Variants in AOAH observed in about 807,000 individuals in gnomAD.
AOAH encodes the protein acyloxyacyl hydrolase (neutrophil).
A neutral mutation model predicts 92.2 loss-of-function variants in AOAH; 64 were observed. The observed-to-expected ratio is 0.69, with a 90% confidence interval of 0.57 to 0.86. AOAH has a LOEUF of 0.86. Among genes scored for constraint, AOAH ranks in the 40% least tolerant of loss-of-function variants. The pLI is 0.00. For synonymous variants in AOAH, 263 were observed against 254.5 expected (o/e 1.03, Z -0.32); for missense variants, 656 against 694.6 (o/e 0.94, Z 0.62).
chr7:36,582,817 T>C (rs1789027923), intron 12 of AOAH, among the ~76,000 whole-genome samples: 1 of 151,724 alleles, frequency 6.6e-6, no homozygotes, highest in South Asian at 2.1e-4. Flanking sequence ...AAGAGTGATG[T>C]AGCATATTCT....
At chr7:36,668,464 C>G (rs1423036774) in intron 3 of AOAH, among the ~76,000 whole-genome samples, 1 of 152,170 alleles carries the variant, frequency 6.6e-6, no homozygotes, top group African/African-American at 2.4e-5. Flanking sequence ...CAGCTGCTTG[C>G]CCAATAATCT....
At chr7:36,622,717 C>G (rs1482101360) in intron 7 of AOAH, among the ~76,000 whole-genome samples, 1 of 152,214 alleles carries the variant, frequency 6.6e-6, no homozygotes, top group East Asian at 1.9e-4. Flanking sequence ...ACTTCAATGC[C>G]TTGTGTATCA....
At chr7:36,521,043 AGCACTG>A (rs1784081906) in intron 20 of AOAH, among the ~76,000 whole-genome samples, 1 of 151,972 alleles carries the variant, frequency 6.6e-6, no homozygotes, top group African/African-American at 2.4e-5. Context: ...CCTGCCTGTG[AGCACTG>A]GCTGAGCCTA....
intron 3 of AOAH, among the ~76,000 whole-genome samples, chr7:36,671,649 T>TTGTGTGTG (rs34363257): frequency 2.0e-3 from 294 of 149,388 alleles, no homozygotes; most frequent in African/African-American, 7.0e-3. Flanking sequence ...GTGCACGTGT[T>TTGTGTGTG]TGTGTGTGTG....
intron 1 of AOAH, among the ~76,000 whole-genome samples, chr7:36,698,533 A>T (rs1323888162): frequency 1.3e-5 from 2 of 151,442 alleles, no homozygotes; most frequent in Non-Finnish European, 2.9e-5. Flanking sequence ...TTAATTTTAG[A>T]TTTTTCTTTT....
At chr7:36,603,217 A>G (rs1372380329) in intron 11 of AOAH, among the ~76,000 whole-genome samples, 1 of 151,952 alleles carries the variant, frequency 6.6e-6, no homozygotes, top group East Asian at 1.9e-4. Flanking sequence ...TAGCTATTCA[A>G]TGTCATCCTC....
chr7:36,660,404 C>T (rs1215348064), intron 3 of AOAH, among the ~76,000 whole-genome samples: 1 of 152,170 alleles, frequency 6.6e-6, no homozygotes, highest in Non-Finnish European at 1.5e-5. Flanking sequence ...CAACCTCCGC[C>T]CCCTGGGTTC....
chr7:36,534,531 G>A (rs1784890924), intron 16 of AOAH, among the ~76,000 whole-genome samples: 1 of 152,246 alleles, frequency 6.6e-6, no homozygotes. Context: ...GATTGGCTAG[G>A]GGTGCTTGCG....
chr7:36,672,997 G>A (rs775099510), intron 3 of AOAH, among the ~76,000 whole-genome samples: 6 of 151,928 alleles, frequency 3.9e-5, no homozygotes, highest in Non-Finnish European at 7.4e-5. Flanking sequence ...GGATGAACAC[G>A]GAATTTAGGA....
At chr7:36,625,374 C>T (rs1792581007) in intron 6 of AOAH, among the ~76,000 whole-genome samples, 5 of 152,314 alleles carry the variant, frequency 3.3e-5, no homozygotes, top group Admixed American at 3.3e-4. Flanking sequence ...ATTTAACCTC[C>T]CTGAGCCTCA....
chr7:36,661,741 T>C lies in AOAH; in HGVS notation c.291-2476A>G, dbSNP rs377438152. Among the ~76,000 whole-genome samples the C allele has an allele frequency of 2.8e-4, 42 of 152,276 alleles. 2 individuals are homozygous for C. Among genetic ancestry groups the C allele is most frequent in the East Asian group, 1.4e-3 (7 of 5,176 alleles). ...ACTCCTGGGTTAGAATTGGAGTGCA[T>C]GGCCCCTTTTAATCCCTGGCCTGAA... On this transcript the variant is annotated intron_variant, in intron 3 of 20. Coordinates refer to ENST00000617537, the MANE Select transcript of AOAH (RefSeq NM_001637.4).
intron 12 of AOAH, among the ~76,000 whole-genome samples, chr7:36,589,027 T>C (rs1223455077): frequency 2.0e-5 from 3 of 150,148 alleles, no homozygotes; most frequent in African/African-American, 7.5e-5. Context: ...CATTGCTTTT[T>C]ATGATGAATT....
At chr7:36,584,576 T>C (rs565848240) in intron 12 of AOAH, among the ~76,000 whole-genome samples, 16 of 152,350 alleles carry the variant, frequency 1.1e-4, no homozygotes, top group African/African-American at 3.1e-4. Flanking sequence ...TTTCTCCTAT[T>C]TGTTGATTAC....
chr7:36,652,233 C>G (rs896233562), intron 4 of AOAH, among the ~76,000 whole-genome samples: 1 of 151,446 alleles, frequency 6.6e-6, no homozygotes, highest in Admixed American at 6.6e-5. Flanking sequence ...CAAAAGGACA[C>G]AGGAGCCACC....
At chr7:36,518,643 T>G (rs1418890808) in intron 20 of AOAH, among the ~76,000 whole-genome samples, 2 of 152,250 alleles carry the variant, frequency 1.3e-5, no homozygotes, top group Non-Finnish European at 2.9e-5. Context: ...TTAAGTGGGA[T>G]CTTCTGGTTA....
chr7:36,556,609 G>A, intron 13 of AOAH, among the ~76,000 whole-genome samples: 2 of 140,946 alleles, frequency 1.4e-5, no homozygotes, highest in African/African-American at 2.7e-5. Context: ...TTATTATTGT[G>A]TGGGAGTCTA....
intron 13 of AOAH, among the ~76,000 whole-genome samples, chr7:36,551,272 C>T (rs1362082314): frequency 6.6e-6 from 1 of 152,000 alleles, no homozygotes; most frequent in Non-Finnish European, 1.5e-5. Context: ...TGGGGTTTCA[C>T]CATGTTGGTC....
intron 5 of AOAH, among the ~76,000 whole-genome samples, chr7:36,632,770 AC>A (rs1793220950): frequency 6.6e-6 from 1 of 152,334 alleles, no homozygotes; most frequent in East Asian, 1.9e-4. Context: ...AGGGAGAGAG[AC>A]ACTGGATTCC....
At chr7:36,568,434 G>A (rs1308581358) in intron 13 of AOAH, among the ~76,000 whole-genome samples, 1 of 152,178 alleles carries the variant, frequency 6.6e-6, no homozygotes, top group East Asian at 1.9e-4. Context: ...TCAACAGCCA[G>A]GGCCTGGTCA....
Sources: allele counts gnomAD v4.1 joint callset (sites outside exome capture counted in the v4.1 genomes callset), GRCh38; gene constraint gnomAD v4.1.1; transcripts MANE v1.5; gene names NCBI Gene and HGNC (gene_info 2026-07-23, HGNC 2026-07-21).